PDE6D: variants seen among roughly 807,000 people sequenced by gnomAD.
The protein encoded by PDE6D is retinal rod rhodopsin-sensitive cGMP 3',5'-cyclic phosphodiesterase subunit delta.
A neutral mutation model predicts 21.9 loss-of-function variants in PDE6D; 10 were observed. The ratio of observed to expected loss-of-function variants is 0.46; its 90% CI spans 0.28 to 0.78. PDE6D has a LOEUF of 0.78. PDE6D is among the 30% of genes least tolerant of loss of function. The pLI is 0.12. For missense variants in PDE6D, 139 were observed against 184.8 expected (o/e 0.75, Z 1.44); for synonymous variants, 59 against 63.5 (o/e 0.93, Z 0.34).
At chr2:231,773,220 C>A (rs1049076033) in intron 1 of PDE6D, among the ~76,000 whole-genome samples, 4 of 152,136 alleles carry the variant, frequency 2.6e-5, no homozygotes, top group Non-Finnish European at 4.4e-5. Context: ...GACAATGAGA[C>A]CCTGTCGCAG....
chr2:231,763,342 C>G (rs1425826951), intron 1 of PDE6D, among the ~76,000 whole-genome samples: 3 of 152,166 alleles, frequency 2.0e-5, no homozygotes, highest in Non-Finnish European at 4.4e-5. Context: ...AAGAGAGCCT[C>G]TATTCTCCTT....
chr2:231,764,606 A>C (rs1289963208), intron 1 of PDE6D, among the ~76,000 whole-genome samples: 1 of 152,220 alleles, frequency 6.6e-6, no homozygotes, highest in Non-Finnish European at 1.5e-5. Flanking sequence ...ACAAATTGCT[A>C]TATGCCTCAG....
At chr2:231,772,126 A>C (rs901358282) in intron 1 of PDE6D, among the ~76,000 whole-genome samples, 25 of 152,096 alleles carry the variant, frequency 1.6e-4, no homozygotes, top group African/African-American at 5.8e-4. Flanking sequence ...CTTCCTCTTT[A>C]GAACAGTTGT....
intron 4 of PDE6D, among the ~76,000 whole-genome samples, chr2:231,733,705 C>G (rs2048670385): frequency 6.6e-6 from 1 of 152,182 alleles, no homozygotes. Flanking sequence ...CCAGCTCTCC[C>G]CCTTAGTCTT....
At chr2:231,767,095 A>G (rs1036440226) in intron 1 of PDE6D, among the ~76,000 whole-genome samples, 14 of 152,010 alleles carry the variant, frequency 9.2e-5, no homozygotes, top group Non-Finnish European at 1.8e-4. Flanking sequence ...GCCACAATTA[A>G]TTCCCAGAAA....
intron 1 of PDE6D, among the ~76,000 whole-genome samples, chr2:231,755,178 C>T (rs1374255113): frequency 1.3e-5 from 2 of 152,222 alleles, no homozygotes. Flanking sequence ...AGACTTCCAA[C>T]CTCCAGAGCT....
chr2:231,757,572 G>A (rs1392595397), intron 1 of PDE6D, among the ~76,000 whole-genome samples: 1 of 152,160 alleles, frequency 6.6e-6, no homozygotes, highest in African/African-American at 2.4e-5. Flanking sequence ...GGTTACAGGC[G>A]GGAGCCACTG....
At chr2:231,744,618 C>A (rs896389576) in intron 1 of PDE6D, among the ~76,000 whole-genome samples, 6 of 151,696 alleles carry the variant, frequency 4.0e-5, no homozygotes, top group African/African-American at 1.2e-4. Context: ...TTTTTAGTAG[C>A]GATGGGGTTT....
chr2:231,737,432 G>T (rs1363071770), intron 3 of PDE6D, 140 bp from the exon 4 acceptor site: 1 of 562,908 alleles, frequency 1.8e-6, no homozygotes, highest in African/African-American at 1.9e-5. Flanking sequence ...CAGACCAGGG[G>T]CGTAAAAAAG....
At chr2:231,765,590 A>G (rs2048964982) in intron 1 of PDE6D, among the ~76,000 whole-genome samples, 1 of 152,188 alleles carries the variant, frequency 6.6e-6, no homozygotes, top group African/African-American at 2.4e-5. Context: ...GCTAATGTCT[A>G]CTATGGCAGA....
chr2:231,738,919 C>CAAAAAAAAAA (rs1157734125), intron 2 of PDE6D, among the ~76,000 whole-genome samples, 181 bp downstream of exon 2: 3 of 62,640 alleles, frequency 4.8e-5, no homozygotes, highest in East Asian at 6.5e-4. Context: ...GACTGTGTCT[C>CAAAAAAAAAA]AAAAAAAAAA....
chr2:231,734,306 G>A (rs72996814), intron 4 of PDE6D, among the ~76,000 whole-genome samples: 27,439 of 151,830 alleles, frequency 0.18, 2,773 homozygotes, highest in Non-Finnish European at 0.23. Context: ...ACTTTATAGT[G>A]GATTTATGGG....
intron 1 of PDE6D, among the ~76,000 whole-genome samples, chr2:231,740,083 C>T (rs1476159759): frequency 1.3e-5 from 2 of 152,072 alleles, no homozygotes; most frequent in Non-Finnish European, 2.9e-5. Context: ...CCTTTACAGA[C>T]ACTAAAAATT....
At position 231,733,048 on chromosome 2, in the gene PDE6D, A is replaced by G; in HGVS notation, c.372-15T>C. ...TAACGTTCCCACTGTAAGTAAGAAG[A>G]GAAACAGAGGGCAAAAGAGAGTGAG... On this transcript the variant is annotated splice_polypyrimidine_tract_variant and intron_variant, in intron 4 of 4. Transcript: ENST00000287600. 2.0e-6 allele frequency: 3 copies of G among 1,535,798 alleles called. No homozygotes were observed. Among genetic ancestry groups the G allele is most frequent in the Non-Finnish European group, 2.7e-6 (3 of 1,109,406 alleles).
chr2:231,774,224 T>C (rs1000737295), intron 1 of PDE6D, among the ~76,000 whole-genome samples: 2 of 152,118 alleles, frequency 1.3e-5, no homozygotes, highest in African/African-American at 2.4e-5. Flanking sequence ...TGAACCACTA[T>C]ACCTGGCCTG....
intron 1 of PDE6D, among the ~76,000 whole-genome samples, chr2:231,770,242 A>G (rs1313105893): frequency 6.6e-6 from 1 of 152,198 alleles, no homozygotes; most frequent in Non-Finnish European, 1.5e-5. Context: ...TCAGACCCCT[A>G]TGAGTAGCCA....
intron 1 of PDE6D, among the ~76,000 whole-genome samples, chr2:231,768,172 A>G (rs1017666593): frequency 7.2e-5 from 11 of 152,228 alleles, no homozygotes; most frequent in African/African-American, 2.4e-4. Flanking sequence ...AAAGATCACA[A>G]TGACCTATAA....
chr2:231,753,124 C>T (rs1434899823), intron 1 of PDE6D, among the ~76,000 whole-genome samples: 1 of 151,240 alleles, frequency 6.6e-6, no homozygotes, highest in Non-Finnish European at 1.5e-5. Context: ...AGCCACCGCA[C>T]CCGGCCTTCT....
rs75242814 is a variant in PDE6D, at chr2:231,737,179, T to G, written c.371+8A>C. The stretch of plus-strand genomic sequence containing the variant: ...CACTTCATAATTTCCTGAGACCTGC[T>G]CACTCACGTTAAGACGCTTGCTGGC... On this transcript the variant is annotated splice_region_variant and intron_variant, in intron 4 of 4. Transcript: ENST00000287600. 6.3e-4 allele frequency: 971 copies of G among 1,530,790 alleles called. 10 individuals are homozygous for G. The African/African-American group carries it at 0.012, about 19-fold the overall frequency. 94.8% of individuals were successfully genotyped at this position (1,530,790 alleles called of 1,614,324 possible).
Sources: gnomAD v4.1 joint callset for allele counts (sites outside exome capture counted in the v4.1 genomes callset) on GRCh38, gnomAD v4.1.1 for gene constraint, MANE v1.5 for transcripts, NCBI Gene and HGNC (gene_info 2026-07-23, HGNC 2026-07-21) for gene names.